SSH2: variants seen among roughly 807,000 people sequenced by gnomAD.
SSH2 encodes slingshot protein phosphatase 2.
In SSH2, 37 loss-of-function variants were observed where a neutral mutation model predicts 135.2. That is an observed-to-expected ratio of 0.27 (90% CI 0.21 to 0.36). The LOEUF is 0.36. Ranked by LOEUF, SSH2 falls within the 10% of genes least tolerant of loss-of-function variation. SSH2 has a pLI of 1.00. For synonymous variants in SSH2, 628 were observed against 646.2 expected (o/e 0.97, Z 0.43); for missense variants, 1,408 against 1,765.3 (o/e 0.80, Z 3.63).
chr17:29,888,916 A>C (rs2151441094), intron 1 of SSH2, among the ~76,000 whole-genome samples: 1 of 134,412 alleles, frequency 7.4e-6, no homozygotes, highest in Admixed American at 7.6e-5. Context: ...TAGGTGAAAG[A>C]GTGAGACACT....
intron 3 of SSH2, among the ~76,000 whole-genome samples, chr17:29,753,112 G>A (rs2041001266): frequency 6.6e-6 from 1 of 152,072 alleles, no homozygotes; most frequent in Non-Finnish European, 1.5e-5. Flanking sequence ...GATAGTAAAT[G>A]TTCAGTAAAA....
chr17:29,636,251 C>T lies in SSH2; in HGVS notation c.1979G>A (p.Ser660Asn). 6.2e-7 allele frequency: 1 copy of T among 1,614,076 alleles called. No individual in the cohort carries two copies. Among genetic ancestry groups the T allele is most frequent in the South Asian group, 1.1e-5 (1 of 91,074 alleles). The change falls in exon 15 of 16, where the codon AGC (serine) becomes AAC (asparagine). Residue 660 changes from serine to asparagine, a missense_variant. Around this residue, in one of 3 missense-constraint regions of SSH2, gnomAD observed 1,080 missense variants for 1,144.5 expected, o/e 0.94. Transcript: ENST00000540801. ...PPMSPDPESP[S>N]PQPSCQTEIS... Reference sequence around the variant, plus strand: ...TTCAGTCTGGCAACTGGGTTGGGGGCTTGGTGACTCAGGATCAGGGGACAT... The same window carrying T: ...TTCAGTCTGGCAACTGGGTTGGGGGTTTGGTGACTCAGGATCAGGGGACAT...
chr17:29,874,147 G>A (rs1397449721), intron 1 of SSH2, among the ~76,000 whole-genome samples: 1 of 151,962 alleles, frequency 6.6e-6, no homozygotes, highest in Non-Finnish European at 1.5e-5. Context: ...ACAAAAATTA[G>A]CTGAGTATGG....
chr17:29,696,622 T>TACAC (rs36052713), intron 4 of SSH2, among the ~76,000 whole-genome samples: 12 of 51,458 alleles, frequency 2.3e-4, no homozygotes, highest in East Asian at 3.7e-3. Flanking sequence ...CATATATATA[T>TACAC]ACACACACAC....
At chr17:29,881,566 A>G (rs909495639) in intron 1 of SSH2, among the ~76,000 whole-genome samples, 2 of 151,838 alleles carry the variant, frequency 1.3e-5, no homozygotes, top group Non-Finnish European at 2.9e-5. Flanking sequence ...CAGTGGCACA[A>G]TCTTGGCTCA....
chr17:29,751,673 A>C (rs560602158), intron 3 of SSH2, among the ~76,000 whole-genome samples: 118 of 152,252 alleles, frequency 7.8e-4, no homozygotes, highest in African/African-American at 2.8e-3. Flanking sequence ...TCCCCATTAT[A>C]ATCTTATGGG....
intron 2 of SSH2, 148 bp downstream of exon 2, chr17:29,848,701 C>T (rs1309464275): frequency 1.7e-5 from 9 of 537,666 alleles, no homozygotes; most frequent in Non-Finnish European, 2.6e-5. Flanking sequence ...CATTCTAAGC[C>T]ACCTATTTGC....
At chr17:29,709,015 T>TATATATATAGAGAGAGAGAGAG (rs780981175) in intron 3 of SSH2, among the ~76,000 whole-genome samples, 8 of 81,588 alleles carry the variant, frequency 9.8e-5, no homozygotes, top group Non-Finnish European at 1.7e-4. Flanking sequence ...TATATATATA[T>TATATATATAGAGAGAGAGAGAG]AGAGAGAGAG....
At chr17:29,649,399 GT>G (rs925864041) in intron 13 of SSH2, among the ~76,000 whole-genome samples, 40 of 147,666 alleles carry the variant, frequency 2.7e-4, no homozygotes, top group Admixed American at 1.7e-3. Flanking sequence ...AATGAGACAA[GT>G]TTTTTTTTTT....
At chr17:29,706,957 T>C (rs1487537171) in intron 3 of SSH2, 1 of 152,056 alleles carries the variant, frequency 6.6e-6, no homozygotes, top group Non-Finnish European at 1.5e-5. Context: ...ATCGAGACCA[T>C]CCTGGCTAAC....
At chr17:29,814,888 A>G (rs73263663) in intron 2 of SSH2, among the ~76,000 whole-genome samples, 2,226 of 151,696 alleles carry the variant, frequency 0.015, 55 homozygotes, top group African/African-American at 0.05. Flanking sequence ...TATTACATAT[A>G]TTATAATGGG....
chr17:29,770,574 G>A (rs956770951), intron 3 of SSH2, among the ~76,000 whole-genome samples: 2 of 151,782 alleles, frequency 1.3e-5, no homozygotes, highest in African/African-American at 4.8e-5. Flanking sequence ...CCAGGTTCAA[G>A]CGATTCTCAT....
At chr17:29,730,676 C>T (rs564552701) in intron 3 of SSH2, among the ~76,000 whole-genome samples, 15 of 151,870 alleles carry the variant, frequency 9.9e-5, no homozygotes, top group Admixed American at 5.3e-4. Flanking sequence ...TGGGCTCAAG[C>T]GATCTGCCTG....
At chr17:29,757,719 T>C (rs2041170410) in intron 3 of SSH2, among the ~76,000 whole-genome samples, 1 of 108,268 alleles carries the variant, frequency 9.2e-6, no homozygotes, top group Non-Finnish European at 1.9e-5. Context: ...AGTGAGATGC[T>C]GTCTCTACAA....
intron 8 of SSH2, among the ~76,000 whole-genome samples, chr17:29,674,462 T>C (rs1239169850): frequency 1.3e-5 from 2 of 152,000 alleles, no homozygotes; most frequent in African/African-American, 2.4e-5. Flanking sequence ...GGTGCAACGG[T>C]CCTAAAATAC....
In SSH2 at chr17:29,684,619, A is replaced by G; in HGVS notation, c.423T>C (p.Gly141=). The G allele has an allele frequency of 6.2e-7, 1 of 1,613,492 alleles. No individual in the cohort carries two copies. The highest frequency in any genetic ancestry group is 8.5e-7 in the Non-Finnish European group (1 of 1,179,554). ...TRYMVVVSTN[G]RQDTEESIVL... ...CGATGCTTTCTTCAGTGTCTTGTCTACCATTAGTTGAAACCACTACCATAT... is the reference window on the plus strand; with the variant it reads ...CGATGCTTTCTTCAGTGTCTTGTCTGCCATTAGTTGAAACCACTACCATAT... The change falls in exon 6 of 16, where the codon GGT becomes GGC. Residue 141 remains glycine, a synonymous_variant. Coordinates refer to ENST00000540801, the MANE Select transcript of SSH2 (RefSeq NM_001282129.2).
At chr17:29,862,438 T>C (rs899060493) in intron 1 of SSH2, among the ~76,000 whole-genome samples, 1 of 152,214 alleles carries the variant, frequency 6.6e-6, no homozygotes, top group African/African-American at 2.4e-5. Flanking sequence ...TAACACAACT[T>C]GAAGATAAGT....
At chr17:29,875,484 T>C (rs2066011633) in intron 1 of SSH2, among the ~76,000 whole-genome samples, 1 of 152,184 alleles carries the variant, frequency 6.6e-6, no homozygotes, top group South Asian at 2.1e-4. Context: ...TTATCTCCTA[T>C]AGTCTCTTCT....
At position 29,929,962 on chromosome 17, in the gene SSH2, G is replaced by T; in HGVS notation, c.39C>A (p.Ser13Arg). Residue 13 changes from serine (S) to arginine (R), a missense_variant, in exon 1 of 16, where the codon AGC becomes AGA. Transcript: ENST00000540801. ...LVTVQRSPTPSTTSSPCASSS... is the reference protein window; with the variant it reads ...LVTVQRSPTPRTTSSPCASSS... ...CCGAGGCGCAGGGGCTGGAGGTGGTGCTGGGGGTAGGTGACCGCTGGACCG... is the reference window on the plus strand; with the variant it reads ...CCGAGGCGCAGGGGCTGGAGGTGGTTCTGGGGGTAGGTGACCGCTGGACCG... The T allele has an allele frequency of 6.2e-7, 1 of 1,603,700 alleles. No individual in the cohort carries two copies.
Sources: allele counts gnomAD v4.1 joint callset (sites outside exome capture counted in the v4.1 genomes callset), GRCh38; gene constraint gnomAD v4.1.1; regional missense constraint gnomAD v4.1.1; transcripts MANE v1.5; gene names NCBI Gene and HGNC (gene_info 2026-07-23, HGNC 2026-07-21).